Variants in DST observed in about 807,000 individuals in gnomAD.
The protein encoded by DST is dystonin, also known as bullous pemphigoid antigen.
A neutral mutation model predicts 875.2 loss-of-function variants in DST; 253 were observed. The observed-to-expected ratio is 0.29, with a 90% CI of 0.26 to 0.32. The LOEUF is 0.32. DST is among the 10% of genes least tolerant of loss of function. The pLI is 1.00. For missense variants in DST, 8,287 were observed against 9,111.6 expected (o/e 0.91, Z 3.68); for synonymous variants, 3,124 against 3,197.1 (o/e 0.98, Z 0.77).
intron 64 of DST, among the ~76,000 whole-genome samples, chr6:56,531,654 A>C (rs1411894173): frequency 6.6e-6 from 1 of 152,090 alleles, no homozygotes; most frequent in Non-Finnish European, 1.5e-5. Flanking sequence ...ATCTATTTCA[A>C]CCCAACCAGC....
At chr6:56,686,037 C>G (rs2099184021) in intron 9 of DST, among the ~76,000 whole-genome samples, 1 of 152,212 alleles carries the variant, frequency 6.6e-6, no homozygotes, top group Non-Finnish European at 1.5e-5. Flanking sequence ...ACATGGGAAT[C>G]AACCTAGGTG....
chr6:56,717,639 T>G (rs1361278010), intron 5 of DST, among the ~76,000 whole-genome samples: 1 of 152,192 alleles, frequency 6.6e-6, no homozygotes, highest in Non-Finnish European at 1.5e-5. Context: ...AGATGTCTTT[T>G]CAGGTTTTTT....
At chr6:56,464,053 A>C in intron 100 of DST, 1 of 462,124 alleles carries the variant, frequency 2.2e-6, no homozygotes. Flanking sequence ...GTCAGCATGA[A>C]AATGGAAAGC....
intron 4 of DST, among the ~76,000 whole-genome samples, chr6:56,794,697 G>A (rs1227122160): frequency 6.6e-6 from 1 of 152,132 alleles, no homozygotes; most frequent in African/African-American, 2.4e-5. Flanking sequence ...TTATTCTCTG[G>A]AGAGAGTCAA....
At chr6:56,511,470 A>G (rs1436972902) in intron 72 of DST, 70 bp from the exon 73 acceptor site, 2 of 1,322,726 alleles carry the variant, frequency 1.5e-6, no homozygotes, top group African/African-American at 2.9e-5. Context: ...CTACACCTGC[A>G]ATGCATCCAG....
At chr6:56,784,624 G>A (rs1189503031) in intron 4 of DST, among the ~76,000 whole-genome samples, 3 of 152,020 alleles carry the variant, frequency 2.0e-5, no homozygotes, top group East Asian at 3.9e-4. Flanking sequence ...TTATATATTC[G>A]TCTAAAGTTT....
intron 15 of DST, 36 bp from the exon 16 acceptor site, chr6:56,642,539 C>T (rs541510469): frequency 2.5e-6 from 4 of 1,608,996 alleles, no homozygotes; most frequent in Non-Finnish European, 8.5e-7. Flanking sequence ...AAGCTTCTCC[C>T]TTTGAAGTCA....
At chr6:56,708,767 G>A (rs1014228244) in intron 5 of DST, among the ~76,000 whole-genome samples, 9 of 152,126 alleles carry the variant, frequency 5.9e-5, no homozygotes, top group Non-Finnish European at 1.3e-4. Context: ...AAAGAATTGG[G>A]GTTCCAATCT....
chr6:56,593,901 C>T lies in DST; in HGVS notation c.12488G>A (p.Gly4163Asp), dbSNP rs781152141. The T allele has an allele frequency of 1.3e-5, 21 of 1,613,752 alleles. No individual in the cohort carries two copies. Among genetic ancestry groups the T allele is most frequent in the Non-Finnish European group, 1.8e-5 (21 of 1,179,804 alleles). The change falls in exon 48 of 104, where the codon GGT becomes GAT. Residue 4163 changes from glycine (G) to aspartate (D), a missense_variant. Transcript: ENST00000680361. ...CATTAAACCATTGATGTCATCTGCA[C>T]CTGCCTCCAGGTTTTCAAGTTCTTG... ...SEQELENLEA[G>D]ADDINGLMTK...
At chr6:56,767,658 A>G (rs545072171) in intron 4 of DST, among the ~76,000 whole-genome samples, 1 of 151,454 alleles carries the variant, frequency 6.6e-6, no homozygotes, top group Non-Finnish European at 1.5e-5. Context: ...AATAAATAAA[A>G]CAAATAAGTA....
At chr6:56,462,483 C>T (rs1434656890) in intron 102 of DST, among the ~76,000 whole-genome samples, 1 of 152,158 alleles carries the variant, frequency 6.6e-6, no homozygotes, top group African/African-American at 2.4e-5. Flanking sequence ...AAGCCTACCC[C>T]TCTGACCCCC....
intron 47 of DST, among the ~76,000 whole-genome samples, chr6:56,594,707 A>T (rs114937519): frequency 0.025 from 3,797 of 152,026 alleles, 75 homozygotes; most frequent in Non-Finnish European, 0.042. Context: ...ACATTCAGAG[A>T]AGCCCAATGG....
At chr6:56,564,506 T>A (rs1387854394) in intron 55 of DST, among the ~76,000 whole-genome samples, 4 of 152,354 alleles carry the variant, frequency 2.6e-5, no homozygotes, top group African/African-American at 9.6e-5. Context: ...TATATAATTA[T>A]GTCATCCTCA....
At chr6:56,584,700 T>G (rs985817325) in intron 49 of DST, among the ~76,000 whole-genome samples, 4 of 152,118 alleles carry the variant, frequency 2.6e-5, no homozygotes, top group Non-Finnish European at 4.4e-5. Flanking sequence ...TTCCCGTTTT[T>G]GCCCATTCAG....
At chr6:56,871,281 G>A (rs1000274534) in intron 3 of DST, 10 of 785,980 alleles carry the variant, frequency 1.3e-5, no homozygotes, top group Admixed American at 1.2e-4. Flanking sequence ...GAACACTCGT[G>A]AAACTGCCCA....
chr6:56,857,092 G>A (rs1283563613), intron 3 of DST, among the ~76,000 whole-genome samples: 1 of 151,690 alleles, frequency 6.6e-6, no homozygotes, highest in African/African-American at 2.4e-5. Flanking sequence ...GCTCACTGCA[G>A]CCTCGAACTC....
chr6:56,500,091 G>A (rs2096070181), intron 80 of DST, among the ~76,000 whole-genome samples: 1 of 151,956 alleles, frequency 6.6e-6, no homozygotes, highest in African/African-American at 2.4e-5. Context: ...TATGAAAGAA[G>A]AAGAACAAAA....
At chr6:56,647,849 C>A (rs1281042098) in intron 13 of DST, among the ~76,000 whole-genome samples, 1 of 151,992 alleles carries the variant, frequency 6.6e-6, no homozygotes, top group Admixed American at 6.6e-5. Context: ...CCACGCCAGG[C>A]TGATTTTTGT....
In DST at chr6:56,535,122, C is replaced by A. The variant is rs781021420; in HGVS notation, c.16941G>T (p.Lys5647Asn). The A allele has an allele frequency of 2.5e-6, 4 of 1,611,984 alleles. No homozygotes were observed. The African/African-American group carries it at 5.4e-5, about 22-fold the overall frequency. ...KVVKAQIQEQ[K>N]LLQRLLDDRK... The stretch of plus-strand genomic sequence containing the variant: ...CAATACAAAAGCATGACTAACTTAC[C>A]TTTTGTTCTTGTATCTGGGCCTTTA... The change falls in exon 63 of 104, where the codon AAG (lysine) becomes AAT (asparagine). Residue 5647 changes from lysine (K) to asparagine (N), a missense_variant and splice_region_variant. This residue lies in a region of DST where 777 missense variants were observed against 764.8 expected (regional missense o/e 1.02). Transcript: ENST00000680361.
Sources: gnomAD v4.1 joint callset for allele counts (sites outside exome capture counted in the v4.1 genomes callset) on GRCh38, gnomAD v4.1.1 for gene constraint, gnomAD v4.1.1 regional missense constraint, MANE v1.5 for transcripts, NCBI Gene and HGNC (gene_info 2026-07-23, HGNC 2026-07-21) for gene names.